The following CUX1 variants were observed in gnomAD, a reference collection of about 807,000 sequenced individuals.
The protein encoded by CUX1 is protein CASP.
A neutral mutation model predicts 158.8 loss-of-function variants in CUX1; 31 were observed. The observed-to-expected ratio is 0.20, with a 90% CI of 0.15 to 0.26. The LOEUF is 0.26. CUX1 is among the 10% of genes least tolerant of loss of function. CUX1 has a pLI of 1.00. For missense variants in CUX1, 1,589 were observed against 2,014.6 expected (o/e 0.79, Z 4.04); for synonymous variants, 879 against 862.1 (o/e 1.02, Z -0.34).
At chr7:101,876,215 C>T (rs1584849247) in intron 1 of CUX1, among the ~76,000 whole-genome samples, 1 of 151,852 alleles carries the variant, frequency 6.6e-6, no homozygotes, top group Non-Finnish European at 1.5e-5. Flanking sequence ...TGTGGTGGCA[C>T]ACGCTTGTAG....
chr7:102,080,039 C>T (rs1316195977), intron 4 of CUX1, among the ~76,000 whole-genome samples: 2 of 152,208 alleles, frequency 1.3e-5, no homozygotes, highest in Non-Finnish European at 2.9e-5. Context: ...TGTATGTTTG[C>T]AGGCTGAGGA....
chr7:101,871,720 C>G (rs1046856178), intron 1 of CUX1, among the ~76,000 whole-genome samples: 21 of 152,104 alleles, frequency 1.4e-4, no homozygotes, highest in Admixed American at 3.9e-4. Context: ...CAGGAAAGGG[C>G]TGTTGAAAAT....
At chr7:102,148,636 TAATA>T (rs1233664105) in intron 8 of CUX1, among the ~76,000 whole-genome samples, 4 of 149,620 alleles carry the variant, frequency 2.7e-5, no homozygotes, top group Non-Finnish European at 3.0e-5. Flanking sequence ...GATATTTCAT[TAATA>T]AATGTATATA....
At chr7:102,169,196 G>A (rs577379547) in intron 9 of CUX1, among the ~76,000 whole-genome samples, 1 of 152,076 alleles carries the variant, frequency 6.6e-6, no homozygotes, top group East Asian at 1.9e-4. Context: ...GTCTCCCAAA[G>A]TGCTGGGATT....
At chr7:102,246,143 G>C (rs1800784555) in intron 23 of CUX1, among the ~76,000 whole-genome samples, 2 of 152,036 alleles carry the variant, frequency 1.3e-5, no homozygotes, top group African/African-American at 4.8e-5. Flanking sequence ...GTCGGGCTGG[G>C]ACCAAACCTT....
At chr7:102,147,393 G>GGATGAGT (rs1554502399) in intron 8 of CUX1, among the ~76,000 whole-genome samples, 1 of 152,168 alleles carries the variant, frequency 6.6e-6, no homozygotes, top group African/African-American at 2.4e-5. Flanking sequence ...TTGGGCACGG[G>GGATGAGT]GATGAGTGAT....
chr7:102,167,135 G>C (rs1429507325), intron 9 of CUX1, among the ~76,000 whole-genome samples: 3 of 152,024 alleles, frequency 2.0e-5, no homozygotes, highest in African/African-American at 7.3e-5. Context: ...GGGCGTGATG[G>C]CGGGCATCTG....
In CUX1 at chr7:102,256,943, G is replaced by A. The variant is rs1310315947; in HGVS notation, c.*7901G>A. 2.2e-5 allele frequency: 22 copies of A among 985,360 alleles called. No homozygotes were observed. The highest frequency in any genetic ancestry group is 2.4e-5 in the Non-Finnish European group (20 of 829,970). 61.0% of individuals were successfully genotyped at this position (985,360 alleles called of 1,614,324 possible). ...CAACAGTGTTTTGTAGTACCAGGCT[G>A]TGGCTTGAGGGCTCACCTAGGAGAT... is the stretch of plus-strand genomic sequence containing the variant. On this transcript the variant is annotated 3_prime_UTR_variant, in exon 24 of 24. Transcript: ENST00000292535.
chr7:101,826,002 A>G (rs756270797), intron 1 of CUX1, among the ~76,000 whole-genome samples: 1 of 152,006 alleles, frequency 6.6e-6, no homozygotes, highest in African/African-American at 2.4e-5. Flanking sequence ...TTAAACATCC[A>G]TGGTGGCCCA....
intron 2 of CUX1, among the ~76,000 whole-genome samples, chr7:101,993,526 G>A (rs1437634822): frequency 6.6e-6 from 1 of 152,170 alleles, no homozygotes; most frequent in Non-Finnish European, 1.5e-5. Flanking sequence ...TTCATAGTAT[G>A]TCGGAGCTGC....
At chr7:101,868,963 G>A (rs1000639665) in intron 1 of CUX1, among the ~76,000 whole-genome samples, 4 of 152,184 alleles carry the variant, frequency 2.6e-5, no homozygotes, top group Non-Finnish European at 5.9e-5. Flanking sequence ...GGAGAGGAGA[G>A]GCCCCTGGAT....
intron 4 of CUX1, among the ~76,000 whole-genome samples, chr7:102,087,504 C>T (rs571732338): frequency 2.0e-5 from 3 of 152,168 alleles, no homozygotes; most frequent in East Asian, 1.9e-4. Context: ...CTCTCGAACC[C>T]GGGAGACAAA....
intron 3 of CUX1, among the ~76,000 whole-genome samples, chr7:102,046,535 C>T (rs1184354488): frequency 1.3e-5 from 2 of 150,076 alleles, no homozygotes; most frequent in Non-Finnish European, 3.0e-5. Context: ...GCCCAGCCCC[C>T]ATTTCACTCC....
rs73187820 is a variant in CUX1 at position 102,163,720 on chromosome 7, G to A, written c.723+5112G>A. 2.4e-4 allele frequency among the ~76,000 whole-genome samples: 36 copies of A among 152,284 alleles called. 1 individual carries two copies. Among genetic ancestry groups the A allele is most frequent in the Non-Finnish European group, 4.4e-4 (30 of 68,032 alleles). ...ATCCCTGCGGAGGTGAGCTGGAGGC[G>A]GGCTGGGCAGGAAGAGGAGGGCGCA... On this transcript the variant is annotated intron_variant, in intron 9 of 23. Transcript: ENST00000292535.
intron 6 of CUX1, among the ~76,000 whole-genome samples, chr7:102,110,355 C>T (rs1048799298): frequency 4.7e-5 from 7 of 150,040 alleles, no homozygotes; most frequent in Non-Finnish European, 7.4e-5. Context: ...CATATTAAGC[C>T]GTAGTATATT....
Position 101,977,964 on chromosome 7 carries a change from C to T in CUX1, c.142-50134C>T, listed in dbSNP as rs527721396. On this transcript the variant is annotated intron_variant, in intron 2 of 23. Coordinates refer to ENST00000292535, the MANE Select transcript of CUX1 (RefSeq NM_181552.4). ...GCAGACCACTTTCCCCTTCTTAAAA[C>T]GTTTTTTTTTTCCCTGACCCCTGTC... 9.0e-4 allele frequency among the ~76,000 whole-genome samples: 136 copies of T among 151,838 alleles called. 5 individuals are homozygous for T. In the South Asian group the frequency reaches 0.024, roughly 27 times the overall value.
intron 4 of CUX1, among the ~76,000 whole-genome samples, chr7:102,089,854 C>T (rs1161207780): frequency 6.6e-6 from 1 of 152,206 alleles, no homozygotes; most frequent in African/African-American, 2.4e-5. Context: ...TCACACTCCG[C>T]TTGGGTTTTT....
At chr7:102,078,145 A>G (rs1325173190) in intron 4 of CUX1, among the ~76,000 whole-genome samples, 2 of 152,070 alleles carry the variant, frequency 1.3e-5, no homozygotes, top group African/African-American at 4.8e-5. Context: ...CACTGGTACC[A>G]TCATAGCTCA....
At chr7:101,857,094 C>T (rs1222389579) in intron 1 of CUX1, among the ~76,000 whole-genome samples, 2 of 152,198 alleles carry the variant, frequency 1.3e-5, no homozygotes, top group Non-Finnish European at 2.9e-5. Flanking sequence ...TGCCCCGTAC[C>T]ACCCGCCGCG....
Sources: allele counts gnomAD v4.1 joint callset (sites outside exome capture counted in the v4.1 genomes callset), GRCh38; gene constraint gnomAD v4.1.1; transcripts MANE v1.5; gene names NCBI Gene and HGNC (gene_info 2026-07-23, HGNC 2026-07-21).